The following ABCA1 variants were observed in gnomAD, a reference collection of about 807,000 sequenced individuals.
ABCA1 encodes the protein ATP binding cassette subfamily A member 1, also known as phospholipid-transporting ATPase ABCA1.
A neutral mutation model predicts 262.5 loss-of-function variants in ABCA1; 133 were observed. The ratio of observed to expected loss-of-function variants is 0.51; its 90% CI spans 0.44 to 0.59. The LOEUF is 0.59. ABCA1 is among the 20% of genes least tolerant of loss of function. The pLI is 0.00. For missense variants in ABCA1, 2,452 were observed against 2,777.5 expected, an observed-to-expected ratio of 0.88 and a Z score of 2.63; for synonymous variants, 1,022 against 1,043.5, an observed-to-expected ratio of 0.98 and a Z score of 0.40.
chr9:104,830,269 T>C (rs553483180), intron 14 of ABCA1, among the ~76,000 whole-genome samples: 1 of 152,368 alleles, frequency 6.6e-6, no homozygotes, highest in East Asian at 1.9e-4. Context: ...TTACATAAAC[T>C]GTGCTTTTAT....
At chr9:104,864,381 T>C (rs1836891980) in intron 5 of ABCA1, among the ~76,000 whole-genome samples, 1 of 152,046 alleles carries the variant, frequency 6.6e-6, no homozygotes, top group Non-Finnish European at 1.5e-5. Context: ...CCGGGGTCAC[T>C]TTCTGTTCTT....
chr9:104,848,388 G>A (rs2119062729), intron 7 of ABCA1, among the ~76,000 whole-genome samples: 1 of 152,180 alleles, frequency 6.6e-6, no homozygotes, highest in East Asian at 1.9e-4. Flanking sequence ...GCCAAAGTGG[G>A]TGGATCACCT....
At chr9:104,853,882 C>A (rs1032510254) in intron 7 of ABCA1, among the ~76,000 whole-genome samples, 1 of 152,180 alleles carries the variant, frequency 6.6e-6, no homozygotes, top group African/African-American at 2.4e-5. Context: ...GACTGAATAT[C>A]CCCTGCAAAG....
intron 2 of ABCA1, among the ~76,000 whole-genome samples, chr9:104,902,926 C>G (rs952418053): frequency 6.6e-6 from 1 of 152,068 alleles, no homozygotes; most frequent in African/African-American, 2.4e-5. Flanking sequence ...GAAATGCATC[C>G]TAGAGATGGG....
intron 43 of ABCA1, among the ~76,000 whole-genome samples, chr9:104,791,531 A>G (rs1170587453): frequency 6.6e-6 from 1 of 152,064 alleles, no homozygotes; most frequent in Non-Finnish European, 1.5e-5. Flanking sequence ...GGTTCAAGCA[A>G]TTCTCCTGCC....
Position 104,804,647 on chromosome 9 carries a change from T to TA in ABCA1, c.4537dup (p.Tyr1513LeufsTer17), listed in dbSNP as rs763399865. Reference sequence around the variant, plus strand: ...TCACCTTTTGGCTATGATCTGCACATACGTCTTCACCAGATAATCCGAAAT... The same window carrying TA: ...TCACCTTTTGGCTATGATCTGCACATAACGTCTTCACCAGATAATCCGAAAT... On this transcript the variant is annotated frameshift_variant, in exon 32 of 50. Coordinates refer to ENST00000374736, the MANE Select transcript of ABCA1 (RefSeq NM_005502.4). LOFTEE classifies it high-confidence loss of function. 2 of 1,614,222 alleles carry TA rather than the reference T, an allele frequency of 1.2e-6. No individual in the cohort carries two copies. The highest frequency in any genetic ancestry group is 1.7e-6 in the Non-Finnish European group (2 of 1,180,012).
rs377626098 is a variant in ABCA1, at chr9:104,800,008, G to A, written c.4774-20C>T. On this transcript the variant is annotated intron_variant, in intron 35 of 49. Coordinates refer to ENST00000374736, the MANE Select transcript of ABCA1 (RefSeq NM_005502.4). Reference sequence around the variant, plus strand: ...CCACACCTGAAAGAAAACATACCAGGTACAAGGTAATGCCCCCAAACCGGG... The same window carrying A: ...CCACACCTGAAAGAAAACATACCAGATACAAGGTAATGCCCCCAAACCGGG... 9 of 1,613,792 alleles carry A rather than the reference G, an allele frequency of 5.6e-6. No homozygotes were observed. The African/African-American group carries it at 1.1e-4, about 19-fold the overall frequency.
At chr9:104,799,486 A>C (rs1168101544) in intron 36 of ABCA1, 1 of 984,658 alleles carries the variant, frequency 1.0e-6, no homozygotes, top group Non-Finnish European at 1.2e-6. Context: ...TATTCCACCA[A>C]ATTTAAAACA....
Position 104,782,613 on chromosome 9 carries a change from GTATT to G in ABCA1, c.*1698_*1701del, listed in dbSNP as rs1323398104. The G allele has an allele frequency of 6.6e-6, 1 of 152,146 alleles. No homozygotes were observed. The highest frequency in any genetic ancestry group is 1.5e-5 in the Non-Finnish European group (1 of 68,016). The allele number at this position is 152,146 out of a possible 1,614,324, so 9.4% of individuals were successfully genotyped here. A position where few individuals can be genotyped will look rare whatever the true frequency, so the allele number is the denominator to read the frequency against. On this transcript the variant is annotated 3_prime_UTR_variant, in exon 50 of 50. Transcript: ENST00000374736. ...ACTCTGAAAAATGCTCCATATGGAA[GTATT>G]TGTTGTTTTTATATTTTTCTTGACT...
chr9:104,910,245 T>G (rs62568199), intron 1 of ABCA1, among the ~76,000 whole-genome samples: 11,372 of 152,266 alleles, frequency 0.075, 482 homozygotes, highest in Middle Eastern at 0.14. Context: ...TCCATTTGAC[T>G]GTCGTATTAG....
intron 5 of ABCA1, among the ~76,000 whole-genome samples, chr9:104,864,562 G>A (rs537067349): frequency 6.6e-6 from 1 of 152,166 alleles, no homozygotes; most frequent in South Asian, 2.1e-4. Flanking sequence ...TGCCTCCACT[G>A]CCTTATCTAT....
At chr9:104,874,527 C>T (rs1009710550) in intron 5 of ABCA1, among the ~76,000 whole-genome samples, 1 of 152,092 alleles carries the variant, frequency 6.6e-6, no homozygotes, top group African/African-American at 2.4e-5. Context: ...GATCGTGCCG[C>T]TCCACTCACT....
chr9:104,794,339 C>T (rs1829683719), intron 40 of ABCA1, 48 bp downstream of exon 40: 8 of 1,613,292 alleles, frequency 5.0e-6, no homozygotes, highest in Non-Finnish European at 5.9e-6. Flanking sequence ...AAGGCCTATG[C>T]AGAGTGCCAT....
intron 4 of ABCA1, among the ~76,000 whole-genome samples, chr9:104,883,787 G>A (rs919447362): frequency 3.9e-5 from 6 of 152,126 alleles, no homozygotes; most frequent in Admixed American, 2.6e-4. Flanking sequence ...TCCTTACTCC[G>A]TCCTAACTCA....
intron 1 of ABCA1, among the ~76,000 whole-genome samples, chr9:104,921,289 C>T (rs1257659777): frequency 6.6e-6 from 1 of 152,096 alleles, no homozygotes; most frequent in African/African-American, 2.4e-5. Context: ...GCAGAGAAAA[C>T]ACCGGGGAAT....
At chr9:104,843,763 C>A (rs34390877) in intron 8 of ABCA1, among the ~76,000 whole-genome samples, 1 of 152,052 alleles carries the variant, frequency 6.6e-6, no homozygotes, top group Admixed American at 6.6e-5. Context: ...ACTTTCCACA[C>A]GCTGACTGGA....
intron 15 of ABCA1, among the ~76,000 whole-genome samples, chr9:104,827,416 G>A (rs1459432737): frequency 5.9e-5 from 9 of 152,176 alleles, no homozygotes; most frequent in African/African-American, 1.7e-4. Context: ...GGCTTTCTAC[G>A]CATTTCAGTG....
intron 44 of ABCA1, among the ~76,000 whole-genome samples, chr9:104,790,291 G>A (rs1019372653): frequency 3.9e-5 from 6 of 152,096 alleles, no homozygotes; most frequent in Non-Finnish European, 7.4e-5. Context: ...TGTAGGAATT[G>A]TTCCTGAGGA....
In ABCA1 at chr9:104,837,585, G is replaced by A. The variant is rs375234733; in HGVS notation, c.1055-18C>T. The A allele has an allele frequency of 2.5e-6, 4 of 1,613,304 alleles. No individual in the cohort carries two copies. The African/African-American group carries it at 4.0e-5, about 16-fold the overall frequency. On this transcript the variant is annotated intron_variant, in intron 9 of 49. Transcript: ENST00000374736. ...GTAAGGAGCTATGAAGAAGAGGAGA[G>A]ACAAATGCTCATATGCATGGTCATA...
Sources: gnomAD v4.1 joint callset for allele counts (sites outside exome capture counted in the v4.1 genomes callset) on GRCh38, gnomAD v4.1.1 for gene constraint, MANE v1.5 for transcripts, NCBI Gene and HGNC (gene_info 2026-07-23, HGNC 2026-07-21) for gene names.